Variants in AFAP1 observed in about 807,000 individuals in gnomAD.
AFAP1 encodes actin filament associated protein 1.
In AFAP1, 75 loss-of-function variants were observed where a neutral mutation model predicts 93.9. The ratio of observed to expected loss-of-function variants is 0.80; its 90% CI spans 0.66 to 0.97. The LOEUF (loss-of-function observed/expected upper bound fraction) is 0.97, where lower values mean the gene tolerates loss of function less well. AFAP1 is among the 50% of genes least tolerant of loss of function. The pLI is 0.00. For missense variants in AFAP1, 1,201 were observed against 1,050.8 expected (o/e 1.14, Z -1.98); for synonymous variants, 517 against 430.7 (o/e 1.20, Z -2.48).
intron 1 of AFAP1, among the ~76,000 whole-genome samples, chr4:7,889,301 C>G (rs1718304661): frequency 1.3e-5 from 2 of 151,948 alleles, no homozygotes; most frequent in Non-Finnish European, 2.9e-5. Flanking sequence ...GTAATCCCAG[C>G]ACTTTGGGAG....
chr4:7,860,806 C>T (rs1459780930), intron 3 of AFAP1, among the ~76,000 whole-genome samples: 1 of 152,148 alleles, frequency 6.6e-6, no homozygotes, highest in Non-Finnish European at 1.5e-5. Context: ...CGGGTCCAGA[C>T]CTTTTGCTCC....
chr4:7,887,871 G>A (rs559060925), intron 1 of AFAP1, among the ~76,000 whole-genome samples: 33 of 151,730 alleles, frequency 2.2e-4, no homozygotes, highest in African/African-American at 7.7e-4. Context: ...CCATTGCCCA[G>A]GCTAGAGTGC....
At chr4:7,931,239 T>A (rs1385300152) in intron 1 of AFAP1, among the ~76,000 whole-genome samples, 1 of 152,084 alleles carries the variant, frequency 6.6e-6, no homozygotes, top group African/African-American at 2.4e-5. Context: ...TGGAAAAGGG[T>A]AAGGTAGGGA....
chr4:7,800,643 G>A lies in AFAP1; in HGVS notation c.1065C>T (p.Asn355=), dbSNP rs752923590. 9.9e-6 allele frequency: 16 copies of A among 1,614,064 alleles called. 1 individual carries two copies. In the Middle Eastern group the frequency reaches 4.9e-4, roughly 50 times the overall value. Reference sequence around the variant, plus strand: ...CTCGCCAGCGGCTGTTGGAGAGCACGTTCAGATAGCCTGCGGAGACACAAG... The same window carrying A: ...CTCGCCAGCGGCTGTTGGAGAGCACATTCAGATAGCCTGCGGAGACACAAG... The part of the protein sequence containing the change: ...EEDVPTCGYL[N]VLSNSRWRER... The change falls in exon 10 of 18, where the codon AAC becomes AAT. Residue 355 remains asparagine (N), a synonymous_variant. Coordinates refer to ENST00000420658, the MANE Select transcript of AFAP1 (RefSeq NM_001134647.2).
At position 7,939,723 on chromosome 4, in the gene AFAP1, C is replaced by G; in HGVS notation, c.-70G>C. On this transcript the variant is annotated 5_prime_UTR_variant, in exon 1 of 18. Transcript: ENST00000420658. This position sits in a 1 kb window ranked among gnomAD's most constrained non-coding sequence, Gnocchi z 5.6. ...CTGGGCCGACTGGAGCGCAGCTGAA[C>G]AGCCGACAGAGCCGCAGCCGCCTTA... 1 of 413,264 alleles carries G rather than the reference C, an allele frequency of 2.4e-6. No individual in the cohort carries two copies. Among genetic ancestry groups the G allele is most frequent in the Middle Eastern group, 7.1e-4 (1 of 1,414 alleles). 25.6% of individuals were successfully genotyped at this position (413,264 alleles called of 1,614,324 possible).
intron 1 of AFAP1, among the ~76,000 whole-genome samples, chr4:7,929,390 T>C (rs1720940147): frequency 6.6e-6 from 1 of 152,162 alleles, no homozygotes; most frequent in African/African-American, 2.4e-5. Context: ...TTTTCCTCTG[T>C]TGAAAATTTA....
chr4:7,890,332 G>T (rs1358373214), intron 1 of AFAP1, among the ~76,000 whole-genome samples: 4 of 152,134 alleles, frequency 2.6e-5, no homozygotes, highest in African/African-American at 9.7e-5. Flanking sequence ...TCAGTATGGG[G>T]AAAACTAAAC....
intron 1 of AFAP1, among the ~76,000 whole-genome samples, chr4:7,928,997 C>G (rs1241651718): frequency 6.6e-6 from 1 of 152,236 alleles, no homozygotes; most frequent in Non-Finnish European, 1.5e-5. Context: ...AGTAACAGAT[C>G]ACTCCGATCG....
intron 1 of AFAP1, among the ~76,000 whole-genome samples, chr4:7,874,308 T>A (rs115555943): frequency 1.3e-5 from 2 of 151,398 alleles, no homozygotes; most frequent in African/African-American, 4.9e-5. Context: ...AAAAGGCTAC[T>A]GAAAAACTTC....
At chr4:7,797,320 C>T (rs1176489654) in intron 10 of AFAP1, among the ~76,000 whole-genome samples, 1 of 152,150 alleles carries the variant, frequency 6.6e-6, no homozygotes, top group Non-Finnish European at 1.5e-5. Flanking sequence ...AGTTTCAAAG[C>T]ATCTTCCCAC....
Position 7,868,684 on chromosome 4 carries a change from TCTC to T in AFAP1, c.160_162del (p.Glu54del). The T allele has an allele frequency of 6.2e-7, 1 of 1,613,476 alleles. No homozygotes were observed. The highest frequency in any genetic ancestry group is 8.5e-7 in the Non-Finnish European group (1 of 1,179,936). On this transcript the variant is annotated inframe_deletion, in exon 3 of 18. Transcript: ENST00000420658. ...GGAGGGGCTGGCAGGCTGTTAGCGG[TCTC>T]CTGCTTCTGAGCATGGTCCTTCACA... is the stretch of plus-strand genomic sequence containing the variant.
intron 11 of AFAP1, among the ~76,000 whole-genome samples, chr4:7,789,964 G>C (rs574104790): frequency 6.6e-6 from 1 of 152,292 alleles, no homozygotes; most frequent in African/African-American, 2.4e-5. Flanking sequence ...CATTATTAAA[G>C]TTCCTAAGTA....
In AFAP1 at chr4:7,843,179, C is replaced by T; in HGVS notation, c.506G>A (p.Trp169Ter). ...FLLRKKRFGQ[W>*]TKLLCVIKDT... ...TTTGATGACGCAGAGCAACTTGGTCCACTGGCCGAACCGCTTCTTCCGCAG... is the reference window on the plus strand; with the variant it reads ...TTTGATGACGCAGAGCAACTTGGTCTACTGGCCGAACCGCTTCTTCCGCAG... Residue 169 changes from tryptophan to a stop codon, truncating the protein, a stop_gained, in exon 5 of 18, where the codon TGG (tryptophan) becomes TAG (stop). Coordinates refer to ENST00000420658, the MANE Select transcript of AFAP1 (RefSeq NM_001134647.2). LOFTEE classifies it high-confidence loss of function. 6.2e-7 allele frequency: 1 copy of T among 1,614,206 alleles called. No individual in the cohort carries two copies. Among genetic ancestry groups the T allele is most frequent in the Non-Finnish European group, 8.5e-7 (1 of 1,180,042 alleles).
intron 1 of AFAP1, among the ~76,000 whole-genome samples, chr4:7,884,539 A>C (rs1157767634): frequency 6.6e-6 from 1 of 152,246 alleles, no homozygotes; most frequent in Non-Finnish European, 1.5e-5. Context: ...TCCATAGAAC[A>C]GAATAAAAAG....
chr4:7,768,524 T>C (rs1714942842), intron 17 of AFAP1, among the ~76,000 whole-genome samples: 1 of 152,040 alleles, frequency 6.6e-6, no homozygotes, highest in Non-Finnish European at 1.5e-5. Flanking sequence ...TGGTCTAATC[T>C]CCACCGCACC....
chr4:7,931,229 T>C (rs560226873), intron 1 of AFAP1, among the ~76,000 whole-genome samples: 1 of 152,280 alleles, frequency 6.6e-6, no homozygotes, highest in African/African-American at 2.4e-5. Flanking sequence ...GGGATCAGGG[T>C]GGAAAAGGGT....
At position 7,816,050 on chromosome 4, in the gene AFAP1, T is replaced by C; in HGVS notation, c.872A>G (p.Asn291Ser). ...CTTTCCATTACATGTGGTAATTCCA[T>C]TTTCCACAACACCCTCCCCATCTGA... is the stretch of plus-strand genomic sequence containing the variant. ...PSSDGEGVVE[N>S]GITTCNGKEQ... is the part of the protein sequence containing the mutation. The change falls in exon 8 of 18, where the codon AAT becomes AGT. Residue 291 changes from asparagine (N) to serine (S), a missense_variant. Asn to Ser is a conservative substitution (Grantham distance 46). Coordinates refer to ENST00000420658, the MANE Select transcript of AFAP1 (RefSeq NM_001134647.2). 6.2e-7 allele frequency: 1 copy of C among 1,613,052 alleles called. No homozygotes were observed. The highest frequency in any genetic ancestry group is 1.1e-5 in the South Asian group (1 of 91,050).
chr4:7,785,185 G>T (rs1358023574), intron 12 of AFAP1, among the ~76,000 whole-genome samples: 2 of 152,234 alleles, frequency 1.3e-5, no homozygotes, highest in East Asian at 3.9e-4. Flanking sequence ...CTCAATACGC[G>T]GTTGTGAGAT....
At chr4:7,828,492 C>T (rs1444480724) in intron 6 of AFAP1, among the ~76,000 whole-genome samples, 5 of 152,170 alleles carry the variant, frequency 3.3e-5, no homozygotes, top group South Asian at 2.1e-4. Context: ...GTGTGGGAAG[C>T]GGTGATGTAA....
Sources: gnomAD v4.1 joint callset for allele counts (sites outside exome capture counted in the v4.1 genomes callset) on GRCh38, gnomAD v4.1.1 for gene constraint, Gnocchi (gnomAD v3.1) non-coding constraint, MANE v1.5 for transcripts, NCBI Gene and HGNC (gene_info 2026-07-23, HGNC 2026-07-21) for gene names.